The following THOC5 variants were observed in gnomAD, a reference collection of about 807,000 sequenced individuals.
THOC5 encodes Fms-interacting protein.
A neutral mutation model predicts 92.9 loss-of-function variants in THOC5; 43 were observed. The ratio of observed to expected loss-of-function variants is 0.46; its 90% confidence interval spans 0.36 to 0.60. The LOEUF (loss-of-function observed/expected upper bound fraction) is 0.60, where lower values mean the gene tolerates loss of function less well. Ranked by LOEUF, THOC5 falls within the 20% of genes least tolerant of loss-of-function variation. The pLI is 0.00. For missense variants in THOC5, 659 were observed against 849.4 expected (o/e 0.78, Z 2.79); for synonymous variants, 296 against 320.1 (o/e 0.92, Z 0.80).
At position 29,536,629 on chromosome 22, in the gene THOC5, T is replaced by G; in HGVS notation, c.709A>C (p.Met237Leu). 1 of 1,600,000 alleles carries G rather than the reference T, an allele frequency of 6.3e-7. No homozygotes were observed. The highest frequency in any genetic ancestry group is 1.1e-5 in the South Asian group (1 of 90,800). The change falls in exon 7 of 20, where the codon ATG becomes CTG. Residue 237 changes from methionine to leucine, a missense_variant. Coordinates refer to ENST00000490103, the MANE Select transcript of THOC5 (RefSeq NM_003678.5). Reference protein sequence around the residue: ...SSLQPRLNSIMQASLPVQEYL... With the variant: ...SSLQPRLNSILQASLPVQEYL... ...AAAAGGCCAGAGGGCCCCACCTGCA[T>G]GATGCTGTTGAGGCGGGGCTGGAGG...
At chr22:29,525,682 G>A (rs573676157) in intron 12 of THOC5, among the ~76,000 whole-genome samples, 156 bp downstream of exon 12, 1 of 152,252 alleles carries the variant, frequency 6.6e-6, no homozygotes, top group South Asian at 2.1e-4. Context: ...AAATACCAGC[G>A]ATGTGCCAGG....
chr22:29,544,261 T>G (rs2063964853), intron 3 of THOC5, among the ~76,000 whole-genome samples, 199 bp downstream of exon 3: 1 of 152,240 alleles, frequency 6.6e-6, no homozygotes, highest in African/African-American at 2.4e-5. Context: ...AATTATCCTG[T>G]ACTTTCATTC....
chr22:29,508,485 T>TG lies in THOC5; in HGVS notation c.2023dup (p.His675ProfsTer37). 6.2e-7 allele frequency: 1 copy of TG among 1,614,108 alleles called. No homozygotes were observed. Among genetic ancestry groups the TG allele is most frequent in the Non-Finnish European group, 8.5e-7 (1 of 1,180,010 alleles). ...GCGATGGCTGAAGAATCCCTGAGGA[T>TG]GGTTGTATTTAAATGGCTTCATCCT... On this transcript the variant is annotated frameshift_variant, in exon 20 of 20. Coordinates refer to ENST00000490103, the MANE Select transcript of THOC5 (RefSeq NM_003678.5). LOFTEE classifies it high-confidence loss of function.
At chr22:29,550,611 G>A (rs2064122298) in intron 1 of THOC5, 1 of 152,162 alleles carries the variant, frequency 6.6e-6, no homozygotes, top group African/African-American at 2.4e-5. Flanking sequence ...AAAAGTCAGA[G>A]AGCCCTGAAC....
At chr22:29,514,713 T>C (rs1205049339) in intron 17 of THOC5, among the ~76,000 whole-genome samples, 1 of 150,734 alleles carries the variant, frequency 6.6e-6, no homozygotes, top group Non-Finnish European at 1.5e-5. Flanking sequence ...TATATATATA[T>C]ATATTTTTTG....
Position 29,544,578 on chromosome 22 carries a change from G to A in THOC5, c.122C>T (p.Ala41Val). ...EQEGKYYSEE[A>V]EVDLRDPGRD... is the part of the protein sequence containing the mutation. The stretch of plus-strand genomic sequence containing the variant: ...GCCAGGGTCCCGCAGATCCACCTCG[G>A]CCTCCTCACTGTAGTATTTACCTTC... The change falls in exon 3 of 20, where the codon GCC becomes GTC. Residue 41 changes from alanine (A) to valine (V), a missense_variant. Ala to Val is a moderately conservative substitution (Grantham distance 64). Transcript: ENST00000490103. The A allele has an allele frequency of 6.2e-7, 1 of 1,613,094 alleles. No homozygotes were observed. Among genetic ancestry groups the A allele is most frequent in the Non-Finnish European group, 8.5e-7 (1 of 1,179,540 alleles).
intron 11 of THOC5, 117 bp downstream of exon 11, chr22:29,527,961 T>G: frequency 1.1e-6 from 1 of 874,654 alleles, no homozygotes; most frequent in Non-Finnish European, 1.8e-6. Context: ...CAAAGCAATA[T>G]GAAATGGGAA....
In THOC5 at chr22:29,528,174, G is replaced by A; in HGVS notation, c.970C>T (p.Arg324Cys). 1 of 1,614,104 alleles carries A rather than the reference G, an allele frequency of 6.2e-7. No homozygotes were observed. ...TGAACCCCCAGTGTGGGTCTCCGGC[G>A]CTTCTGGACAAAGGAAAGTGCCAAG... Reference protein sequence around the residue: ...SDAEEEQTTKRRRPTLGVQLD... With the variant: ...SDAEEEQTTKCRRPTLGVQLD... The change falls in exon 11 of 20, where the codon CGC (arginine) becomes TGC (cysteine). Residue 324 changes from arginine to cysteine, a missense_variant. Transcript: ENST00000490103.
rs1466483664 is a variant in THOC5, at chr22:29,542,561, C to T, written c.452+298G>A. On this transcript the variant is annotated intron_variant, in intron 5 of 19. Coordinates refer to ENST00000490103, the MANE Select transcript of THOC5 (RefSeq NM_003678.5). ...GGAGGACCACCTGAGGTCAGGAGTTCGAGAACAGCCTGGCCAACATGGCAA... is the reference window on the plus strand; with the variant it reads ...GGAGGACCACCTGAGGTCAGGAGTTTGAGAACAGCCTGGCCAACATGGCAA... Among the ~76,000 whole-genome samples, 16 of 152,138 alleles carry T rather than the reference C, an allele frequency of 1.1e-4. No homozygotes were observed. In the South Asian group the frequency reaches 2.1e-3, roughly 20 times the overall value.
At position 29,508,350 on chromosome 22, in the gene THOC5, G is replaced by T; in HGVS notation, c.*107C>A. Reference sequence around the variant, plus strand: ...CTGGTCAGGTGACGCTTTTTAATTGGCTGGTGTCTTTGGAGAATATCAAGA... The same window carrying T: ...CTGGTCAGGTGACGCTTTTTAATTGTCTGGTGTCTTTGGAGAATATCAAGA... On this transcript the variant is annotated 3_prime_UTR_variant, in exon 20 of 20. Transcript: ENST00000490103. The T allele has an allele frequency of 8.3e-7, 1 of 1,207,780 alleles. No individual in the cohort carries two copies. 74.8% of individuals were successfully genotyped at this position (1,207,780 alleles called of 1,614,324 possible).
chr22:29,508,597 A>G, intron 19 of THOC5, 77 bp from the exon 20 acceptor site: 1 of 1,332,324 alleles, frequency 7.5e-7, no homozygotes. Flanking sequence ...CATTCACACA[A>G]GGGAAAAAGA....
chr22:29,542,830 G>A (rs755126450), intron 5 of THOC5, 29 bp downstream of exon 5: 6 of 1,507,500 alleles, frequency 4.0e-6, no homozygotes, highest in Non-Finnish European at 4.6e-6. Flanking sequence ...AAGACCACAT[G>A]TGCCAAAGCC....
At chr22:29,528,501 G>C in intron 9 of THOC5, 35 bp from the exon 10 acceptor site, 4 of 1,611,378 alleles carry the variant, frequency 2.5e-6, no homozygotes, top group Non-Finnish European at 3.4e-6. Flanking sequence ...TAGAGGTGAG[G>C]GGGCTCCAAA....
At chr22:29,544,379 AG>A (rs2063968113) in intron 3 of THOC5, 80 bp downstream of exon 3, 19 of 1,437,842 alleles carry the variant, frequency 1.3e-5, no homozygotes, top group Admixed American at 2.1e-5. Context: ...GATCAAGATC[AG>A]GAAGGGCCCT....
At chr22:29,508,668 A>G (rs2063165722) in intron 19 of THOC5, 148 bp from the exon 20 acceptor site, 4 of 713,108 alleles carry the variant, frequency 5.6e-6, no homozygotes, top group Non-Finnish European at 9.4e-6. Context: ...AACAACATAT[A>G]AGGTGCGATA....
At chr22:29,546,171 G>C (rs1163924599) in intron 2 of THOC5, among the ~76,000 whole-genome samples, 1 of 152,184 alleles carries the variant, frequency 6.6e-6, no homozygotes, top group African/African-American at 2.4e-5. Flanking sequence ...GACTGGCTGG[G>C]ACACAGGGCA....
chr22:29,546,451 C>G (rs1000958048), intron 2 of THOC5, among the ~76,000 whole-genome samples: 12 of 151,838 alleles, frequency 7.9e-5, no homozygotes, highest in African/African-American at 2.9e-4. Context: ...TTTTTTGAGA[C>G]AGAGTCTCGG....
intron 16 of THOC5, 42 bp downstream of exon 16, chr22:29,517,221 A>G (rs570371078): frequency 1.9e-6 from 3 of 1,603,258 alleles, no homozygotes; most frequent in East Asian, 2.2e-5. Context: ...TGGTCCTGCA[A>G]TCCTCAGGAC....
At chr22:29,545,141 T>G in intron 2 of THOC5, 2 of 409,236 alleles carry the variant, frequency 4.9e-6, no homozygotes, top group East Asian at 8.7e-5. Context: ...AAGAGAAAAA[T>G]GAGGAGGAAG....
Sources: gnomAD v4.1 joint callset for allele counts (sites outside exome capture counted in the v4.1 genomes callset) on GRCh38, gnomAD v4.1.1 for gene constraint, MANE v1.5 for transcripts, NCBI Gene and HGNC (gene_info 2026-07-23, HGNC 2026-07-21) for gene names.